TRIM40: variants seen among roughly 807,000 people sequenced by gnomAD.
TRIM40 encodes the protein E3 ubiquitin ligase TRIM40.
Under a neutral mutation model 26.1 loss-of-function variants are expected in TRIM40, and 27 were observed. The ratio of observed to expected loss-of-function variants is 1.04; its 90% CI spans 0.76 to 1.43. The LOEUF (loss-of-function observed/expected upper bound fraction) is 1.43. Ranked by LOEUF, TRIM40 falls within the 40% of genes most tolerant of loss-of-function variation. TRIM40 has a pLI of 0.00. For missense variants in TRIM40, 289 were observed against 307.9 expected (o/e 0.94, Z 0.46); for synonymous variants, 114 against 120.0 (o/e 0.95, Z 0.33).
intron 2 of TRIM40, among the ~76,000 whole-genome samples, chr6:30,141,441 A>G (rs1771338469): frequency 6.6e-6 from 1 of 152,240 alleles, no homozygotes; most frequent in African/African-American, 2.4e-5. Flanking sequence ...CGTCATTTAG[A>G]TGTAGGCAGA....
intron 3 of TRIM40, among the ~76,000 whole-genome samples, chr6:30,146,569 C>T (rs1368142461): frequency 6.6e-6 from 1 of 152,134 alleles, no homozygotes; most frequent in East Asian, 1.9e-4. Context: ...TGCCACCACG[C>T]CCAGCTAATT....
chr6:30,138,935 G>T (rs530533588), intron 2 of TRIM40, among the ~76,000 whole-genome samples: 9 of 152,310 alleles, frequency 5.9e-5, no homozygotes, highest in South Asian at 4.1e-4. Context: ...AGTTCTATTT[G>T]GTTCTAACAT....
chr6:30,137,935 G>T (rs1771112014), intron 2 of TRIM40, among the ~76,000 whole-genome samples: 1 of 152,006 alleles, frequency 6.6e-6, no homozygotes, highest in Non-Finnish European at 1.5e-5. Flanking sequence ...AATTCAGAAA[G>T]CACTGAAAGG....
rs1313674362 is a variant in TRIM40, at chr6:30,147,522, T to C, written c.669T>C (p.Asn223=). ...TTCTCACTTTTTCTCTCTCCTAGAA[T>C]GCTGGTGACTTACTGAACAGGTACG... ...AKELDTNTLK[N]AGDLLNRSAP... Residue 223 remains asparagine, a splice_region_variant and synonymous_variant, in exon 5 of 6, where the codon AAT becomes AAC. Transcript: ENST00000396581. 6.2e-7 allele frequency: 1 copy of C among 1,614,000 alleles called. No individual in the cohort carries two copies. The highest frequency in any genetic ancestry group is 8.5e-7 in the Non-Finnish European group (1 of 1,180,048).
chr6:30,144,717 G>A (rs964963836), intron 2 of TRIM40, among the ~76,000 whole-genome samples: 6 of 152,128 alleles, frequency 3.9e-5, no homozygotes, highest in Admixed American at 6.5e-5. Context: ...GAAACAAGGC[G>A]GCTGGCTGAG....
Position 30,141,867 on chromosome 6 carries a change from C to G in TRIM40, c.346-4127C>G, listed in dbSNP as rs145519599. Among the ~76,000 whole-genome samples the G allele has an allele frequency of 7.9e-5, 12 of 152,210 alleles. No individual in the cohort carries two copies. In the East Asian group the frequency reaches 2.1e-3, roughly 27 times the overall value. On this transcript the variant is annotated intron_variant, in intron 2 of 5. Coordinates refer to ENST00000396581, the MANE Select transcript of TRIM40 (RefSeq NM_001286633.2). ...AGAGAAACTATGTAGGGTTGGCAGA[C>G]AGTATGTAGCACCAATTTGAGGTCT...
chr6:30,139,611 T>C (rs1771222506), intron 2 of TRIM40, among the ~76,000 whole-genome samples: 1 of 152,124 alleles, frequency 6.6e-6, no homozygotes, highest in African/African-American at 2.4e-5. Flanking sequence ...AAAAGAACTG[T>C]AACTTTTTAT....
rs1771052396 is a variant in TRIM40, at chr6:30,137,127, C to T, written c.91C>T (p.His31Tyr). ...GGAGGCCGTGAGCACCAACTGCGGA[C>T]ATCTCTTCTGTCGAGTGTGCCTGAC... The part of the protein sequence containing the change: ...LKEAVSTNCG[H>Y]LFCRVCLTQH... The change falls in exon 2 of 6, where the codon CAT becomes TAT. Residue 31 changes from histidine (H) to tyrosine (Y), a missense_variant. Coordinates refer to ENST00000396581, the MANE Select transcript of TRIM40 (RefSeq NM_001286633.2). 6.2e-7 allele frequency: 1 copy of T among 1,613,086 alleles called. No individual in the cohort carries two copies. Among genetic ancestry groups the T allele is most frequent in the Non-Finnish European group, 8.5e-7 (1 of 1,180,032 alleles).
chr6:30,147,754 A>T lies in TRIM40; in HGVS notation c.719A>T (p.Tyr240Phe). ...GCTCCACAGAAATTAGAGGTTATTT[A>T]TCCCCAGTTGGAGAAAGGAGTCAGT... ...RSAPQKLEVIYPQLEKGVSEL... is the reference protein window; with the variant it reads ...RSAPQKLEVIFPQLEKGVSEL... The change falls in exon 6 of 6, where the codon TAT becomes TTT. Residue 240 changes from tyrosine (Y) to phenylalanine (F), a missense_variant. Tyr to Phe is a conservative substitution (Grantham distance 22). Transcript: ENST00000396581. 6.2e-7 allele frequency: 1 copy of T among 1,614,196 alleles called. No homozygotes were observed. Among genetic ancestry groups the T allele is most frequent in the Non-Finnish European group, 8.5e-7 (1 of 1,180,022 alleles).
Position 30,136,989 on chromosome 6 carries a change from A to G in TRIM40, c.-48A>G, listed in dbSNP as rs561551541. On this transcript the variant is annotated 5_prime_UTR_variant, in exon 2 of 6. Coordinates refer to ENST00000396581, the MANE Select transcript of TRIM40 (RefSeq NM_001286633.2). ...GCAACAGGCCTTCCGAAGACCAGTG[A>G]AGAAGGAGGCCCTGCAAACAGGAGG... 1.9e-6 allele frequency: 3 copies of G among 1,572,002 alleles called. No homozygotes were observed. The highest frequency in any genetic ancestry group is 2.6e-6 in the Non-Finnish European group (3 of 1,155,138).
chr6:30,141,811 T>C (rs1471991180), intron 2 of TRIM40, among the ~76,000 whole-genome samples: 2 of 152,122 alleles, frequency 1.3e-5, no homozygotes, highest in African/African-American at 2.4e-5. Flanking sequence ...AGAAACAAGA[T>C]GGTGTGATGC....
intron 3 of TRIM40, 36 bp from the exon 4 acceptor site, chr6:30,146,949 C>T (rs1177149525): frequency 6.5e-7 from 1 of 1,550,056 alleles, no homozygotes; most frequent in Non-Finnish European, 8.7e-7. Flanking sequence ...GAGGGAGCCA[C>T]CTGACACTGA....
Position 30,147,911 on chromosome 6 carries a change from T to A in TRIM40, c.*99T>A, listed in dbSNP as rs1771772437. The A allele has an allele frequency of 1.0e-6, 1 of 961,016 alleles. No individual in the cohort carries two copies. Among genetic ancestry groups the A allele is most frequent in the South Asian group, 1.3e-5 (1 of 75,298 alleles). The allele number at this position is 961,016 out of a possible 1,614,324, so 59.5% of individuals were successfully genotyped here. ...GCCCCCACTGGGTCTACCCAGTGCA[T>A]CTTCGGGCCTGCCAGCTCCTGAACA... On this transcript the variant is annotated 3_prime_UTR_variant, in exon 6 of 6. Transcript: ENST00000396581.
Position 30,147,160 on chromosome 6 carries a change from T to A in TRIM40, c.617T>A (p.Val206Asp). Residue 206 changes from valine to aspartate, a missense_variant, in exon 4 of 6, where the codon GTC becomes GAC. By Grantham distance (152) the Val-to-Asp change is radical (BLOSUM62 -3). Transcript: ENST00000396581. ...GCAGTAACACAGCTCAGAAGCCTGGTCATTGATCTGGAAAGGACGGCCAAG... is the reference window on the plus strand; with the variant it reads ...GCAGTAACACAGCTCAGAAGCCTGGACATTGATCTGGAAAGGACGGCCAAG... The part of the protein sequence containing the change: ...SRAVTQLRSL[V>D]IDLERTAKEL... The A allele has an allele frequency of 6.2e-7, 1 of 1,614,156 alleles. No individual in the cohort carries two copies. Among genetic ancestry groups the A allele is most frequent in the Non-Finnish European group, 8.5e-7 (1 of 1,180,032 alleles).
At chr6:30,146,544 G>A (rs890477713) in intron 3 of TRIM40, among the ~76,000 whole-genome samples, 1 of 152,012 alleles carries the variant, frequency 6.6e-6, no homozygotes, top group African/African-American at 2.4e-5. Flanking sequence ...CCCGAGTACT[G>A]GGACTACAGG....
At chr6:30,141,879 C>A (rs981830490) in intron 2 of TRIM40, among the ~76,000 whole-genome samples, 2 of 152,086 alleles carry the variant, frequency 1.3e-5, no homozygotes, top group Non-Finnish European at 2.9e-5. Flanking sequence ...GTATGTAGCA[C>A]CAATTTGAGG....
chr6:30,141,587 C>CAGTA (rs1481086177), intron 2 of TRIM40, among the ~76,000 whole-genome samples: 3 of 152,154 alleles, frequency 2.0e-5, no homozygotes, highest in Non-Finnish European at 2.9e-5. Flanking sequence ...GCTAACACTT[C>CAGTA]AGTAAGATGG....
intron 2 of TRIM40, among the ~76,000 whole-genome samples, chr6:30,145,586 G>C (rs1488741599): frequency 6.6e-6 from 1 of 152,180 alleles, no homozygotes; most frequent in Non-Finnish European, 1.5e-5. Flanking sequence ...CCAGGCAGCA[G>C]AGGTAGCAGA....
Position 30,146,984 on chromosome 6 carries a change from G to T in TRIM40, c.442-1G>T, listed in dbSNP as rs1226978042. On this transcript the variant is annotated splice_acceptor_variant, in intron 3 of 5. Transcript: ENST00000396581. LOFTEE classifies it high-confidence loss of function. ...AGTCTTAGGGAGCCCCTTTCCTGTA[G>T]TTTCAGGTAGACCACGGGAACCACA... is the stretch of plus-strand genomic sequence containing the variant. 1.3e-6 allele frequency: 2 copies of T among 1,580,794 alleles called. No homozygotes were observed. Among genetic ancestry groups the T allele is most frequent in the African/African-American group, 2.7e-5 (2 of 74,014 alleles).
Sources: gnomAD v4.1 joint callset for allele counts (sites outside exome capture counted in the v4.1 genomes callset) on GRCh38, gnomAD v4.1.1 for gene constraint, MANE v1.5 for transcripts, NCBI Gene and HGNC (gene_info 2026-07-23, HGNC 2026-07-21) for gene names.